Variants in PAK2 observed in about 807,000 individuals in gnomAD.
The protein encoded by PAK2 is serine/threonine-protein kinase PAK 2.
A neutral mutation model predicts 65.9 loss-of-function variants in PAK2; 21 were observed. That is an observed-to-expected ratio of 0.32 (90% CI 0.23 to 0.46). The LOEUF is 0.46. PAK2 is among the 20% of genes least tolerant of loss of function. The probability of loss-of-function intolerance (pLI) is 1.00; values close to 1 mark genes in which losing one functional copy is unlikely to be tolerated. For synonymous variants in PAK2, 204 were observed against 219.7 expected (o/e 0.93, Z 0.63); for missense variants, 324 against 642.6 (o/e 0.50, Z 5.36).
At chr3:196,814,352 T>G (rs1330283859) in intron 10 of PAK2, 99 bp from the exon 11 acceptor site, 2 of 614,622 alleles carry the variant, frequency 3.3e-6, no homozygotes, top group East Asian at 3.0e-5. Context: ...AGCTCTAGTT[T>G]TATTGTTAGG....
intron 1 of PAK2, among the ~76,000 whole-genome samples, chr3:196,749,879 T>C (rs1713512326): frequency 6.6e-6 from 1 of 152,100 alleles, no homozygotes; most frequent in African/African-American, 2.4e-5. Flanking sequence ...TGGAATGTAG[T>C]GGCACGATGA....
intron 2 of PAK2, among the ~76,000 whole-genome samples, chr3:196,790,939 T>C (rs1311390096): frequency 6.6e-6 from 1 of 152,224 alleles, no homozygotes; most frequent in Non-Finnish European, 1.5e-5. Flanking sequence ...TATATTCCTT[T>C]GTATCTGTAC....
chr3:196,827,851 T>A (rs971475901), intron 14 of PAK2, among the ~76,000 whole-genome samples: 2 of 150,832 alleles, frequency 1.3e-5, no homozygotes, highest in African/African-American at 4.9e-5. Context: ...GTTTACAGTT[T>A]GTGCATCGTA....
chr3:196,764,156 C>A (rs1714077915), intron 1 of PAK2, among the ~76,000 whole-genome samples: 1 of 151,922 alleles, frequency 6.6e-6, no homozygotes, highest in Non-Finnish European at 1.5e-5. Flanking sequence ...TGTAATAATG[C>A]TAAACTTTAT....
At chr3:196,823,811 CAAA>C (rs1004879720) in intron 13 of PAK2, among the ~76,000 whole-genome samples, 11 of 76,940 alleles carry the variant, frequency 1.4e-4, no homozygotes, top group Non-Finnish European at 1.6e-4. Context: ...GATTCTGTCG[CAAA>C]AAAAAAAAAA....
chr3:196,754,644 A>G (rs558122174), intron 1 of PAK2, among the ~76,000 whole-genome samples: 2 of 152,202 alleles, frequency 1.3e-5, no homozygotes, highest in Non-Finnish European at 2.9e-5. Context: ...CACCCACAAC[A>G]TAACACTCTC....
At chr3:196,755,340 T>C (rs843532) in intron 1 of PAK2, among the ~76,000 whole-genome samples, 13,567 of 152,240 alleles carry the variant, frequency 0.089, 813 homozygotes, top group South Asian at 0.15. Context: ...GCTGAAAATT[T>C]TTCCTATGTC....
chr3:196,807,935 A>G, intron 7 of PAK2, 21 bp downstream of exon 7: 1 of 1,584,318 alleles, frequency 6.3e-7, no homozygotes, highest in South Asian at 1.1e-5. Context: ...TACATTTTAC[A>G]TCATTGTTAA....
At chr3:196,766,684 T>A (rs543925764) in intron 1 of PAK2, among the ~76,000 whole-genome samples, 1 of 152,242 alleles carries the variant, frequency 6.6e-6, no homozygotes, top group African/African-American at 2.4e-5. Flanking sequence ...GGTTTTAACT[T>A]GGTCCCATCT....
intron 8 of PAK2, among the ~76,000 whole-genome samples, chr3:196,811,886 A>G (rs1715839102): frequency 6.6e-6 from 1 of 152,126 alleles, no homozygotes; most frequent in Non-Finnish European, 1.5e-5. Flanking sequence ...TGCTGTCGGA[A>G]AGGGCTTATG....
intron 1 of PAK2, among the ~76,000 whole-genome samples, chr3:196,741,956 A>G (rs1186189439): frequency 6.6e-6 from 1 of 152,204 alleles, no homozygotes; most frequent in Non-Finnish European, 1.5e-5. Flanking sequence ...GAGAGATACT[A>G]TTCTGGACTC....
At chr3:196,746,914 G>A (rs1019682413) in intron 1 of PAK2, among the ~76,000 whole-genome samples, 4 of 148,606 alleles carry the variant, frequency 2.7e-5, no homozygotes, top group Admixed American at 6.8e-5. Flanking sequence ...TTGATAATTC[G>A]TATTTCCTAG....
At chr3:196,771,848 A>G (rs1274365620) in intron 1 of PAK2, among the ~76,000 whole-genome samples, 1 of 152,066 alleles carries the variant, frequency 6.6e-6, no homozygotes, top group Non-Finnish European at 1.5e-5. Flanking sequence ...GTGAGCTACC[A>G]TGCCCGGCCT....
chr3:196,742,479 G>A (rs1181580451), intron 1 of PAK2, among the ~76,000 whole-genome samples: 1 of 152,146 alleles, frequency 6.6e-6, no homozygotes, highest in African/African-American at 2.4e-5. Flanking sequence ...TAATATTTAA[G>A]AACTTCAAGT....
chr3:196,777,813 G>A (rs931738370), intron 1 of PAK2, among the ~76,000 whole-genome samples: 2 of 152,206 alleles, frequency 1.3e-5, no homozygotes, highest in Non-Finnish European at 2.9e-5. Context: ...CTTATAAATA[G>A]TAATGATGAT....
chr3:196,787,058 A>C (rs1441433878), intron 2 of PAK2, among the ~76,000 whole-genome samples: 2 of 151,812 alleles, frequency 1.3e-5, no homozygotes, highest in Non-Finnish European at 2.9e-5. Context: ...TCCTGAGCTC[A>C]AACGATCTGC....
Position 196,815,455 on chromosome 3 carries a change from G to A in PAK2, c.1053+887G>A, listed in dbSNP as rs112434642. Reference sequence around the variant, plus strand: ...TGCAGTGAGCCAAAATTGCGCCACCGCACTCCATCCTGGGCAACAGAGCAA... The same window carrying A: ...TGCAGTGAGCCAAAATTGCGCCACCACACTCCATCCTGGGCAACAGAGCAA... On this transcript the variant is annotated intron_variant, in intron 11 of 14. Transcript: ENST00000327134. 2.6e-4 allele frequency among the ~76,000 whole-genome samples: 39 copies of A among 149,162 alleles called. 1 individual carries two copies. Among genetic ancestry groups the A allele is most frequent in the South Asian group, 4.2e-4 (2 of 4,728 alleles).
chr3:196,812,985 G>C, intron 10 of PAK2, 134 bp downstream of exon 10: 2 of 575,432 alleles, frequency 3.5e-6, no homozygotes, highest in East Asian at 2.9e-5. Context: ...AAGAGGAGAG[G>C]TAAAAATAGC....
Position 196,812,813 on chromosome 3 carries a change from A to G in PAK2, c.897A>G (p.Lys299=). ...TCATTAACGAGATTCTGGTGATGAA[A>G]GAATTGAAAAATCCCAACATCGTTA... ...ELIINEILVM[K]ELKNPNIVNF... Residue 299 remains lysine (K), a synonymous_variant, in exon 10 of 15, where the codon AAA becomes AAG. Coordinates refer to ENST00000327134, the MANE Select transcript of PAK2 (RefSeq NM_002577.4). The G allele has an allele frequency of 6.4e-7, 1 of 1,565,390 alleles. No homozygotes were observed. Among genetic ancestry groups the G allele is most frequent in the Non-Finnish European group, 8.8e-7 (1 of 1,136,208 alleles).
Sources: gnomAD v4.1 joint callset for allele counts (sites outside exome capture counted in the v4.1 genomes callset) on GRCh38, gnomAD v4.1.1 for gene constraint, MANE v1.5 for transcripts, NCBI Gene and HGNC (gene_info 2026-07-23, HGNC 2026-07-21) for gene names.